Variants in TM9SF3 observed in about 807,000 individuals in gnomAD.
TM9SF3 encodes SM-11044-binding protein.
In TM9SF3, 14 loss-of-function variants were observed where a neutral mutation model predicts 78.6. The observed-to-expected ratio is 0.18, with a 90% CI of 0.12 to 0.28. The LOEUF (loss-of-function observed/expected upper bound fraction) is 0.28. TM9SF3 is among the 10% of genes least tolerant of loss of function. TM9SF3 has a pLI of 1.00. For missense variants in TM9SF3, 496 were observed against 721.9 expected, an observed-to-expected ratio of 0.69 and a Z score of 3.59; for synonymous variants, 231 against 241.7, an observed-to-expected ratio of 0.96 and a Z score of 0.41.
chr10:96,561,903 T>A (rs1265810120), intron 4 of TM9SF3, 75 bp downstream of exon 4: 1 of 1,262,362 alleles, frequency 7.9e-7, no homozygotes, highest in Admixed American at 2.3e-5. Flanking sequence ...TTTCATTTAC[T>A]AAAGTTCAAA....
At chr10:96,544,932 A>G (rs1564931831) in intron 8 of TM9SF3, among the ~76,000 whole-genome samples, 1 of 150,960 alleles carries the variant, frequency 6.6e-6, no homozygotes, top group African/African-American at 2.5e-5. Context: ...TGTATTTAAG[A>G]GCATTTCTAC....
chr10:96,580,289 G>T (rs1406225875), intron 1 of TM9SF3, among the ~76,000 whole-genome samples: 1 of 151,238 alleles, frequency 6.6e-6, no homozygotes, highest in Non-Finnish European at 1.5e-5. Context: ...TGTGTGAGAC[G>T]GAGTCTTGCT....
chr10:96,527,210 T>C lies in TM9SF3; in HGVS notation c.1702+3A>G. 1 of 1,606,082 alleles carries C rather than the reference T, an allele frequency of 6.2e-7. No individual in the cohort carries two copies. The highest frequency in any genetic ancestry group is 8.5e-7 in the Non-Finnish European group (1 of 1,176,440). ...ATGATGTTCAAAGAATTTCAAAACTTACCACACATTATCCCCAAGGCTGTG... is the reference window on the plus strand; with the variant it reads ...ATGATGTTCAAAGAATTTCAAAACTCACCACACATTATCCCCAAGGCTGTG... On this transcript the variant is annotated splice_donor_region_variant and intron_variant, in intron 14 of 14. Coordinates refer to ENST00000371142, the MANE Select transcript of TM9SF3 (RefSeq NM_020123.4).
At chr10:96,559,928 C>A (rs1848283648) in intron 4 of TM9SF3, among the ~76,000 whole-genome samples, 192 bp from the exon 5 acceptor site, 2 of 152,176 alleles carry the variant, frequency 1.3e-5, no homozygotes, top group Non-Finnish European at 2.9e-5. Context: ...TGTTTATTGA[C>A]AAAACTTAAC....
At chr10:96,547,262 G>A (rs1470633832) in intron 8 of TM9SF3, among the ~76,000 whole-genome samples, 4 of 152,048 alleles carry the variant, frequency 2.6e-5, no homozygotes, top group Admixed American at 2.6e-4. Context: ...CATTACACAT[G>A]CCTTTATATT....
Position 96,554,427 on chromosome 10 carries a change from C to T in TM9SF3, c.661-1368G>A, listed in dbSNP as rs898153061. On this transcript the variant is annotated intron_variant, in intron 5 of 14. Coordinates refer to ENST00000371142, the MANE Select transcript of TM9SF3 (RefSeq NM_020123.4). The stretch of plus-strand genomic sequence containing the variant: ...AAAGGCCTGCAATGAACTTCTAAAC[C>T]GATTCAGCAGCCAATTATCTGCCTC... 5.9e-5 allele frequency among the ~76,000 whole-genome samples: 9 copies of T among 152,232 alleles called. 2 individuals are homozygous for T. Among genetic ancestry groups the T allele is most frequent in the Middle Eastern group, 3.4e-3 (1 of 294 alleles).
At chr10:96,559,596 C>T in intron 5 of TM9SF3, 63 bp downstream of exon 5, 1 of 1,187,186 alleles carries the variant, frequency 8.4e-7, no homozygotes, top group South Asian at 1.5e-5. Context: ...ATGACAGATA[C>T]TCAATGTTTG....
chr10:96,532,226 A>ATAT (rs1847906386), intron 10 of TM9SF3, among the ~76,000 whole-genome samples: 1 of 151,458 alleles, frequency 6.6e-6, no homozygotes, highest in Non-Finnish European at 1.5e-5. Context: ...AATAATAATA[A>ATAT]TAAAATAAAT....
Position 96,535,565 on chromosome 10 carries a change from T to A in TM9SF3, c.1186-2375A>T, listed in dbSNP as rs572037365. Among the ~76,000 whole-genome samples, 167 of 152,340 alleles carry A rather than the reference T, an allele frequency of 1.1e-3. 2 individuals are homozygous for A. The highest frequency in any genetic ancestry group is 3.8e-3 in the African/African-American group (160 of 41,574). Reference sequence around the variant, plus strand: ...CTGTTTTCTATCTGGGCTTCCACATTATTTTGGAATGAAATTTAGCAGCTA... The same window carrying A: ...CTGTTTTCTATCTGGGCTTCCACATAATTTTGGAATGAAATTTAGCAGCTA... On this transcript the variant is annotated intron_variant, in intron 9 of 14. Coordinates refer to ENST00000371142, the MANE Select transcript of TM9SF3 (RefSeq NM_020123.4).
At chr10:96,527,026 A>G (rs1425968224) in intron 14 of TM9SF3, among the ~76,000 whole-genome samples, 187 bp downstream of exon 14, 1 of 152,140 alleles carries the variant, frequency 6.6e-6, no homozygotes, top group African/African-American at 2.4e-5. Flanking sequence ...TTTCTATAAA[A>G]ATAGAAATTA....
At chr10:96,527,028 T>C (rs941789573) in intron 14 of TM9SF3, among the ~76,000 whole-genome samples, 185 bp downstream of exon 14, 5 of 152,094 alleles carry the variant, frequency 3.3e-5, no homozygotes, top group Non-Finnish European at 5.9e-5. Context: ...TCTATAAAAA[T>C]AGAAATTAAT....
intron 1 of TM9SF3, 37 bp from the exon 2 acceptor site, chr10:96,576,866 A>C (rs1848503020): frequency 5.5e-6 from 8 of 1,441,878 alleles, no homozygotes; most frequent in Non-Finnish European, 7.3e-6. Flanking sequence ...TAAAAAAAAA[A>C]AACACACTAA....
At chr10:96,525,223 AAAT>A (rs1183404884) in intron 14 of TM9SF3, among the ~76,000 whole-genome samples, 1 of 151,998 alleles carries the variant, frequency 6.6e-6, no homozygotes, top group African/African-American at 2.4e-5. Flanking sequence ...AAAGGATGGC[AAAT>A]AATAAGGAAC....
chr10:96,565,509 A>C, intron 2 of TM9SF3, 83 bp from the exon 3 acceptor site: 8 of 1,432,416 alleles, frequency 5.6e-6, no homozygotes, highest in Non-Finnish European at 7.4e-6. Flanking sequence ...AAAAAAGCCA[A>C]CATTTCCTAC....
intron 8 of TM9SF3, among the ~76,000 whole-genome samples, chr10:96,544,655 A>G (rs1485911471): frequency 1.3e-5 from 2 of 152,220 alleles, no homozygotes; most frequent in Non-Finnish European, 2.9e-5. Context: ...TGCTTCAACC[A>G]GAACAATTAC....
chr10:96,559,511 T>C (rs1848276772), intron 5 of TM9SF3, 148 bp downstream of exon 5: 1 of 517,712 alleles, frequency 1.9e-6, no homozygotes, highest in Non-Finnish European at 3.1e-6. Context: ...ATCACCCTTA[T>C]GATTTCAAGC....
Position 96,548,681 on chromosome 10 carries a change from C to A in TM9SF3, c.960-692G>T, listed in dbSNP as rs535932309. ...TGTGTGATGGCAGGTGCCTATAATT[C>A]CAATTACTCGAGAGGCTGAGGCAGG... On this transcript the variant is annotated intron_variant, in intron 7 of 14. Transcript: ENST00000371142. Among the ~76,000 whole-genome samples, 62 of 151,364 alleles carry A rather than the reference C, an allele frequency of 4.1e-4. 1 individual carries two copies. The highest frequency in any genetic ancestry group is 1.5e-3 in the African/African-American group (62 of 41,228).
intron 9 of TM9SF3, among the ~76,000 whole-genome samples, chr10:96,537,466 A>T (rs1847972460): frequency 6.6e-6 from 1 of 152,248 alleles, no homozygotes; most frequent in Non-Finnish European, 1.5e-5. Context: ...ATTGTGTAAC[A>T]ACTCATTTCA....
At position 96,537,842 on chromosome 10, in the gene TM9SF3, A is replaced by T. The variant is rs575853500; in HGVS notation, c.1186-4652T>A. On this transcript the variant is annotated intron_variant, in intron 9 of 14. Transcript: ENST00000371142. ...TGGAGAATAAATTCAACAGAAGATA[A>T]CAAAACCTGAACACTAAAATCTATG... 3.3e-5 allele frequency among the ~76,000 whole-genome samples: 5 copies of T among 152,362 alleles called. No homozygotes were observed. In the South Asian group the frequency reaches 1.0e-3, roughly 32 times the overall value.
Sources: allele counts gnomAD v4.1 joint callset (sites outside exome capture counted in the v4.1 genomes callset), GRCh38; gene constraint gnomAD v4.1.1; transcripts MANE v1.5; gene names NCBI Gene and HGNC (gene_info 2026-07-23, HGNC 2026-07-21).